CPED1: variants seen among roughly 807,000 people sequenced by gnomAD.
CPED1 encodes the protein cadherin like and PC-esterase domain containing 1.
Under a neutral mutation model 128.2 loss-of-function variants are expected in CPED1, and 114 were observed. That is an observed-to-expected ratio of 0.89 (90% CI 0.76 to 1.04). CPED1 has a LOEUF of 1.04. CPED1 is among the 50% of genes least tolerant of loss of function. The pLI is 0.00. For missense variants in CPED1, 1,211 were observed against 1,207.1 expected, an observed-to-expected ratio of 1.00 and a Z score of -0.05; for synonymous variants, 462 against 426.7, an observed-to-expected ratio of 1.08 and a Z score of -1.02.
In CPED1 at chr7:121,243,350, T is replaced by C. The variant is rs116594402; in HGVS notation, c.2174-852T>C. On this transcript the variant is annotated intron_variant, in intron 17 of 22. Transcript: ENST00000310396. ...AGGAAAAAAAAACAAAAAAATTATATTTTTCTACCACATTATTAATGTATC... is the reference window on the plus strand; with the variant it reads ...AGGAAAAAAAAACAAAAAAATTATACTTTTCTACCACATTATTAATGTATC... Among the ~76,000 whole-genome samples, 696 of 152,294 alleles carry C rather than the reference T, an allele frequency of 4.6e-3. 5 individuals are homozygous for C. Among genetic ancestry groups the C allele is most frequent in the African/African-American group, 0.016 (667 of 41,570 alleles).
chr7:121,123,099 A>G (rs998609964), intron 7 of CPED1, among the ~76,000 whole-genome samples: 1 of 152,202 alleles, frequency 6.6e-6, no homozygotes, highest in Non-Finnish European at 1.5e-5. Flanking sequence ...AGTGTTAGCA[A>G]TAATTTGTTT....
intron 16 of CPED1, among the ~76,000 whole-genome samples, chr7:121,225,117 G>T (rs1797972626): frequency 6.6e-6 from 1 of 152,050 alleles, no homozygotes; most frequent in Admixed American, 6.6e-5. Context: ...GGTACCGGTT[G>T]TTTCTTTCCA....
chr7:121,026,820 G>C (rs1792598893), intron 3 of CPED1, among the ~76,000 whole-genome samples: 1 of 135,256 alleles, frequency 7.4e-6, no homozygotes. Flanking sequence ...GCTCCCTCCT[G>C]TCAGTTCTTT....
chr7:121,182,755 G>A (rs1001182408), intron 16 of CPED1, among the ~76,000 whole-genome samples: 3 of 151,870 alleles, frequency 2.0e-5, no homozygotes, highest in African/African-American at 7.3e-5. Flanking sequence ...GGATTACTTT[G>A]GGCAAGTTGC....
chr7:121,075,277 A>G (rs925058589), intron 5 of CPED1, among the ~76,000 whole-genome samples: 7 of 152,178 alleles, frequency 4.6e-5, no homozygotes, highest in Admixed American at 1.3e-4. Context: ...ATCACAAGTC[A>G]TTTTAAGCAA....
At chr7:121,284,167 C>T (rs1030163468) in intron 22 of CPED1, among the ~76,000 whole-genome samples, 1 of 152,104 alleles carries the variant, frequency 6.6e-6, no homozygotes, top group Non-Finnish European at 1.5e-5. Flanking sequence ...AAGAGAAGTA[C>T]AGAGTGAAGT....
At chr7:121,197,691 A>G (rs1307254616) in intron 16 of CPED1, among the ~76,000 whole-genome samples, 1 of 152,096 alleles carries the variant, frequency 6.6e-6, no homozygotes, top group Non-Finnish European at 1.5e-5. Flanking sequence ...ACAGTAGAAG[A>G]ATTCTTAGAA....
At chr7:121,061,937 C>G (rs967227904) in intron 4 of CPED1, among the ~76,000 whole-genome samples, 1 of 152,126 alleles carries the variant, frequency 6.6e-6, no homozygotes, top group Non-Finnish European at 1.5e-5. Flanking sequence ...GTTTGGTGTT[C>G]AGTTCCAGAG....
intron 7 of CPED1, among the ~76,000 whole-genome samples, chr7:121,111,923 A>G (rs1795121609): frequency 1.3e-5 from 2 of 152,272 alleles, no homozygotes; most frequent in South Asian, 2.1e-4. Flanking sequence ...GGTTCTATAA[A>G]TTGTCTGGAC....
chr7:121,035,879 C>T (rs145683178), intron 3 of CPED1, among the ~76,000 whole-genome samples: 3 of 151,474 alleles, frequency 2.0e-5, no homozygotes, highest in Non-Finnish European at 2.9e-5. Flanking sequence ...GGAGGAAGAG[C>T]GGGTCTTTTC....
In CPED1 at chr7:121,015,753, A is replaced by C. The variant is rs1449277888; in HGVS notation, c.338A>C (p.Gln113Pro). ...CCTTTCTACAGCAAAACAGAGCTTC[A>C]GCTACACCAGCACATTCTGACTCAA... is the stretch of plus-strand genomic sequence containing the variant. ...RPPFYSKTELQLHQHILTQHG... is the reference protein window; with the variant it reads ...RPPFYSKTELPLHQHILTQHG... The change falls in exon 3 of 23, where the codon CAG (glutamine) becomes CCG (proline). Residue 113 changes from glutamine (Q) to proline (P), a missense_variant. By Grantham distance (76) the Gln-to-Pro change is moderately conservative. Transcript: ENST00000310396. 2 of 1,612,018 alleles carry C rather than the reference A, an allele frequency of 1.2e-6. No individual in the cohort carries two copies. The highest frequency in any genetic ancestry group is 1.3e-5 in the African/African-American group (1 of 74,794).
chr7:121,217,905 G>A (rs542401155), intron 16 of CPED1, among the ~76,000 whole-genome samples: 2 of 152,118 alleles, frequency 1.3e-5, no homozygotes, highest in South Asian at 4.1e-4. Context: ...GTGTGTGCCT[G>A]TGTAGATGTG....
At chr7:121,011,245 T>C (rs1191047296) in intron 2 of CPED1, among the ~76,000 whole-genome samples, 4 of 152,174 alleles carry the variant, frequency 2.6e-5, no homozygotes, top group African/African-American at 9.6e-5. Flanking sequence ...AGCCTTACTA[T>C]ATTTTGAAGA....
At chr7:121,292,075 G>A (rs1274884284) in intron 22 of CPED1, among the ~76,000 whole-genome samples, 1 of 151,992 alleles carries the variant, frequency 6.6e-6, no homozygotes, top group Non-Finnish European at 1.5e-5. Context: ...GGTTGGGGAA[G>A]TTCTCCTGGA....
chr7:121,120,296 C>A (rs755030860), intron 7 of CPED1, among the ~76,000 whole-genome samples: 1 of 152,164 alleles, frequency 6.6e-6, no homozygotes, highest in Admixed American at 6.5e-5. Context: ...CTCTTAATAT[C>A]CTCACCAATG....
At chr7:121,195,968 G>T (rs1222246134) in intron 16 of CPED1, among the ~76,000 whole-genome samples, 1 of 152,020 alleles carries the variant, frequency 6.6e-6, no homozygotes, top group Non-Finnish European at 1.5e-5. Context: ...CACATAAAGG[G>T]ACTATGTGGC....
chr7:121,271,704 A>G (rs1348094514), intron 22 of CPED1, among the ~76,000 whole-genome samples: 2 of 152,126 alleles, frequency 1.3e-5, no homozygotes, highest in Non-Finnish European at 1.5e-5. Context: ...CCTGGAGAGC[A>G]CTTATTTTCT....
chr7:121,107,097 A>ACT (rs1321722956), intron 7 of CPED1, among the ~76,000 whole-genome samples: 1 of 152,108 alleles, frequency 6.6e-6, no homozygotes, highest in Non-Finnish European at 1.5e-5. Flanking sequence ...CCCTTTCTTC[A>ACT]CTACCCTCAT....
At chr7:121,269,528 G>A (rs1424712616) in intron 21 of CPED1, among the ~76,000 whole-genome samples, 1 of 152,016 alleles carries the variant, frequency 6.6e-6, no homozygotes, top group African/African-American at 2.4e-5. Flanking sequence ...GGGATTGCTG[G>A]GTCAAATGGT....
Sources: gnomAD v4.1 joint callset for allele counts (sites outside exome capture counted in the v4.1 genomes callset) on GRCh38, gnomAD v4.1.1 for gene constraint, MANE v1.5 for transcripts, NCBI Gene and HGNC (gene_info 2026-07-23, HGNC 2026-07-21) for gene names.